The following SIPA1L2 variants were observed in gnomAD, a reference collection of about 807,000 sequenced individuals.
SIPA1L2 encodes the protein signal-induced proliferation-associated 1-like protein 2.
In SIPA1L2, 56 loss-of-function variants were observed where a neutral mutation model predicts 163.9. The ratio of observed to expected loss-of-function variants is 0.34; its 90% confidence interval spans 0.28 to 0.43. The LOEUF (loss-of-function observed/expected upper bound fraction) is 0.43, where lower values mean the gene tolerates loss of function less well. SIPA1L2 is among the 20% of genes least tolerant of loss of function. The pLI, the probability that SIPA1L2 is intolerant of heterozygous loss-of-function variation, is 1.00. For missense variants in SIPA1L2, 1,974 were observed against 2,193.5 expected (o/e 0.90, Z 2.00); for synonymous variants, 877 against 865.7 (o/e 1.01, Z -0.23).
intron 18 of SIPA1L2, among the ~76,000 whole-genome samples, chr1:232,416,696 G>C (rs1002958116): frequency 1.3e-5 from 2 of 152,186 alleles, no homozygotes; most frequent in African/African-American, 4.8e-5. Flanking sequence ...ATCAATACAT[G>C]AGATTGAGGA....
intron 5 of SIPA1L2, chr1:232,490,668 T>A (rs1376304861): frequency 6.1e-6 from 3 of 493,220 alleles, no homozygotes; most frequent in African/African-American, 4.1e-5. Flanking sequence ...CAAAAAAAAA[T>A]CACAACTCAG....
intron 2 of SIPA1L2, among the ~76,000 whole-genome samples, chr1:232,561,718 G>A (rs41271523): frequency 6.6e-6 from 1 of 152,278 alleles, no homozygotes; most frequent in Non-Finnish European, 1.5e-5. Flanking sequence ...GAGTGACTCT[G>A]GATAAGTTAC....
At chr1:232,493,784 C>T in intron 3 of SIPA1L2, 124 bp from the exon 4 acceptor site, 5 of 1,226,464 alleles carry the variant, frequency 4.1e-6, no homozygotes, top group Non-Finnish European at 5.6e-6. Flanking sequence ...ACAGTGATTT[C>T]CTTGTATCTG....
At position 232,445,520 on chromosome 1, in the gene SIPA1L2, C is replaced by G. The variant is rs1350842906; in HGVS notation, c.3353+9G>C. The G allele has an allele frequency of 6.2e-7, 1 of 1,613,418 alleles. No individual in the cohort carries two copies. Among genetic ancestry groups the G allele is most frequent in the Admixed American group, 1.7e-5 (1 of 60,012 alleles). On this transcript the variant is annotated intron_variant, in intron 11 of 22. Transcript: ENST00000674635. ...AGGGCCCCCCTTGAGGAAACGGAAC[C>G]AGCATTACCTCGTGCCATCGGGCAG...
intron 16 of SIPA1L2, 52 bp downstream of exon 16, chr1:232,432,195 C>T (rs569967384): frequency 1.4e-6 from 2 of 1,449,786 alleles, no homozygotes; most frequent in East Asian, 2.3e-5. Flanking sequence ...TTTGCTTAGT[C>T]AATCCCTACA....
intron 1 of SIPA1L2, among the ~76,000 whole-genome samples, chr1:232,591,331 T>C (rs1031863345): frequency 2.6e-5 from 4 of 152,270 alleles, no homozygotes; most frequent in Non-Finnish European, 5.9e-5. Context: ...ACTCGAGTAC[T>C]GACATTTCCA....
intron 1 of SIPA1L2, among the ~76,000 whole-genome samples, chr1:232,610,606 C>T (rs1662187791): frequency 6.6e-6 from 1 of 152,182 alleles, no homozygotes; most frequent in African/African-American, 2.4e-5. Flanking sequence ...AACTAGTAAT[C>T]AGGCAAACAA....
intron 3 of SIPA1L2, 121 bp downstream of exon 3, chr1:232,513,735 GC>G (rs1411138003): frequency 1.2e-5 from 13 of 1,041,082 alleles, no homozygotes. Flanking sequence ...ACAAGGTCAG[GC>G]CCAGTGGACT....
At chr1:232,450,387 T>C (rs1314591136) in intron 10 of SIPA1L2, among the ~76,000 whole-genome samples, 2 of 152,210 alleles carry the variant, frequency 1.3e-5, no homozygotes, top group African/African-American at 4.8e-5. Context: ...TTCATCCCCA[T>C]AGCCAAAGAC....
chr1:232,445,416 T>C, intron 11 of SIPA1L2, 113 bp downstream of exon 11: 1 of 1,486,754 alleles, frequency 6.7e-7, no homozygotes, highest in Non-Finnish European at 9.1e-7. Flanking sequence ...GCTTGCCAAC[T>C]TGCTGTGAAC....
intron 9 of SIPA1L2, among the ~76,000 whole-genome samples, chr1:232,463,436 C>A (rs1664341077): frequency 6.6e-6 from 1 of 152,200 alleles, no homozygotes; most frequent in South Asian, 2.1e-4. Flanking sequence ...TGGCTTGTTT[C>A]CAACAGCTCA....
In SIPA1L2 at chr1:232,514,672, T is replaced by C. The variant is rs1667141342; in HGVS notation, c.668A>G (p.Lys223Arg). ...RGYRVENYDH[K>R]AMVPFGFPEF... ...AGGGAACCCAAAAGGGACCATTGCT[T>C]TGTGGTCATAATTTTCTACTCGGTA... Residue 223 changes from lysine (K) to arginine (R), a missense_variant, in exon 3 of 23, where the codon AAA becomes AGA. Coordinates refer to ENST00000674635, the MANE Select transcript of SIPA1L2 (RefSeq NM_020808.5). 1.2e-6 allele frequency: 2 copies of C among 1,614,022 alleles called. No individual in the cohort carries two copies. Among genetic ancestry groups the C allele is most frequent in the African/African-American group, 1.3e-5 (1 of 74,898 alleles).
At chr1:232,571,952 T>C (rs535078411) in intron 2 of SIPA1L2, among the ~76,000 whole-genome samples, 1 of 152,306 alleles carries the variant, frequency 6.6e-6, no homozygotes, top group African/African-American at 2.4e-5. Context: ...TATTTCTTTA[T>C]AGCAACACAA....
Position 232,398,177 on chromosome 1 carries a change from C to G in SIPA1L2, c.*950G>C, listed in dbSNP as rs973577200. ...CCTCCATCCCTCATCGTAGTGCAGG[C>G]CAAACCAAATTTTATAAAATTAACA... On this transcript the variant is annotated 3_prime_UTR_variant, in exon 23 of 23. Coordinates refer to ENST00000674635, the MANE Select transcript of SIPA1L2 (RefSeq NM_020808.5). 6.6e-6 allele frequency: 1 copy of G among 152,488 alleles called. No homozygotes were observed. The highest frequency in any genetic ancestry group is 1.5e-5 in the Non-Finnish European group (1 of 68,022). The allele number at this position is 152,488 out of a possible 1,614,324, so 9.4% of individuals were successfully genotyped here.
chr1:232,543,637 G>A (rs2103114893), intron 2 of SIPA1L2, among the ~76,000 whole-genome samples: 1 of 152,352 alleles, frequency 6.6e-6, no homozygotes, highest in East Asian at 1.9e-4. Context: ...GCGAGGCTGA[G>A]GAGGGAGGAC....
chr1:232,596,812 T>C (rs1661277379), intron 1 of SIPA1L2, among the ~76,000 whole-genome samples: 1 of 152,060 alleles, frequency 6.6e-6, no homozygotes. Flanking sequence ...GATCGATGAG[T>C]TAACTCTGGG....
intron 2 of SIPA1L2, among the ~76,000 whole-genome samples, chr1:232,548,423 G>C (rs1573064344): frequency 6.6e-6 from 1 of 152,166 alleles, no homozygotes; most frequent in Non-Finnish European, 1.5e-5. Flanking sequence ...CATAATTAGT[G>C]TGAAACCCAG....
chr1:232,407,273 AT>A (rs913168786), intron 19 of SIPA1L2, among the ~76,000 whole-genome samples: 35 of 149,882 alleles, frequency 2.3e-4, no homozygotes, highest in Non-Finnish European at 3.2e-4. Flanking sequence ...TTTTCTTTCC[AT>A]TTTTTTTTCC....
chr1:232,441,499 T>C lies in SIPA1L2; in HGVS notation c.3539-105A>G. 3 of 979,302 alleles carry C rather than the reference T, an allele frequency of 3.1e-6. No homozygotes were observed. The South Asian group carries it at 4.2e-5, about 14-fold the overall frequency. The allele number at this position is 979,302 out of a possible 1,614,324, so 60.7% of individuals were successfully genotyped here. On this transcript the variant is annotated intron_variant, in intron 13 of 22. Coordinates refer to ENST00000674635, the MANE Select transcript of SIPA1L2 (RefSeq NM_020808.5). ...GTGGTTTGGTAAACATGAACAGGCT[T>C]GTGGTTCTGGGACTTTCTGGTCTTA... is the stretch of plus-strand genomic sequence containing the variant.
Sources: allele counts gnomAD v4.1 joint callset (sites outside exome capture counted in the v4.1 genomes callset), GRCh38; gene constraint gnomAD v4.1.1; transcripts MANE v1.5; gene names NCBI Gene and HGNC (gene_info 2026-07-23, HGNC 2026-07-21).